ARHGAP36: variants seen among roughly 807,000 people sequenced by gnomAD.
ARHGAP36 encodes rho GTPase-activating protein 36.
A neutral mutation model predicts 32.9 loss-of-function variants in ARHGAP36; 7 were observed. That is an observed-to-expected ratio of 0.21 (90% CI 0.12 to 0.40). ARHGAP36 has a LOEUF of 0.40. Among genes scored for constraint, ARHGAP36 ranks in the 10% least tolerant of loss-of-function variants. The pLI is 1.00. For synonymous variants in ARHGAP36, 165 were observed against 168.3 expected, an observed-to-expected ratio of 0.98 and a Z score of 0.15; for missense variants, 383 against 442.2, an observed-to-expected ratio of 0.87 and a Z score of 1.20.
At position 131,086,592 on chromosome X, in the gene ARHGAP36, A is replaced by G; in HGVS notation, c.1413A>G (p.Leu471=). 2 of 1,211,973 alleles carry G rather than the reference A, an allele frequency of 1.7e-6. No individual in the cohort carries two copies. Among genetic ancestry groups the G allele is most frequent in the Middle Eastern group, 2.3e-4 (1 of 4,356 alleles). The part of the protein sequence containing the change: ...SARIKMEEDA[L]LSDPVETSAE... Reference sequence around the variant, plus strand: ...GCATAAAGATGGAAGAGGATGCACTACTTTCTGATCCAGTGGAAACCTCTG... The same window carrying G: ...GCATAAAGATGGAAGAGGATGCACTGCTTTCTGATCCAGTGGAAACCTCTG... The change falls in exon 11 of 12, where the codon CTA becomes CTG. Residue 471 remains leucine, a synonymous_variant. Coordinates refer to ENST00000276211, the MANE Select transcript of ARHGAP36 (RefSeq NM_144967.4).
chrX:131,066,983 C>T (rs1184130307), intron 1 of ARHGAP36, among the ~76,000 whole-genome samples: 1 of 111,448 alleles, frequency 9.0e-6, no homozygotes, highest in Non-Finnish European at 1.9e-5. Flanking sequence ...TCTCTACAGC[C>T]GTTCAGAGTT....
At chrX:131,086,255 G>A in intron 9 of ARHGAP36, 74 bp from the exon 10 acceptor site, 1 of 1,139,914 alleles carries the variant, frequency 8.8e-7, no homozygotes, top group Non-Finnish European at 1.2e-6. Flanking sequence ...TTTAGTCCTA[G>A]GTACCTGAAA....
At position 131,083,248 on chromosome X, in the gene ARHGAP36, T is replaced by C; in HGVS notation, c.319+18T>C. Reference sequence around the variant, plus strand: ...GCAGAGGGGTGAGGGGGCTCTTGTATTTTCTTTAGAAAAGAAATAGAATGC... The same window carrying C: ...GCAGAGGGGTGAGGGGGCTCTTGTACTTTCTTTAGAAAAGAAATAGAATGC... On this transcript the variant is annotated intron_variant, in intron 3 of 11. Transcript: ENST00000276211. 1.7e-6 allele frequency: 2 copies of C among 1,194,488 alleles called. No homozygotes were observed. The highest frequency in any genetic ancestry group is 2.3e-6 in the Non-Finnish European group (2 of 885,310).
chrX:131,081,325 A>G (rs1291441942), intron 1 of ARHGAP36, among the ~76,000 whole-genome samples, 199 bp from the exon 2 acceptor site: 2 of 110,832 alleles, frequency 1.8e-5, no homozygotes, highest in Non-Finnish European at 3.8e-5. Context: ...AAAACGCTCT[A>G]ATTAATTAAC....
At chrX:131,088,133 A>G (rs2079845269) in intron 11 of ARHGAP36, among the ~76,000 whole-genome samples, 1 of 112,565 alleles carries the variant, frequency 8.9e-6, no homozygotes, top group Non-Finnish European at 1.9e-5. Flanking sequence ...CCCTGTAGAT[A>G]CCACTCTCCT....
chrX:131,070,553 T>C (rs2079728463), intron 1 of ARHGAP36, among the ~76,000 whole-genome samples: 2 of 111,559 alleles, frequency 1.8e-5, no homozygotes, highest in African/African-American at 6.5e-5. Flanking sequence ...TGGGTTCCAA[T>C]CCTGACTCTG....
rs916130102 is a variant in ARHGAP36, at chrX:131,084,290, A to G, written c.631A>G (p.Ile211Val). 1.7e-6 allele frequency: 2 copies of G among 1,211,813 alleles called. No homozygotes were observed. Among genetic ancestry groups the G allele is most frequent in the Non-Finnish European group, 1.1e-6 (1 of 895,523 alleles). ...GCTGCAGACCCTGCAGCTTTCAAAA[A>G]TTTCCTTTCCAATTGGCCAACGACT... ...LLLQTLQLSK[I>V]SFPIGQRLLG... is the part of the protein sequence containing the mutation. Residue 211 changes from isoleucine to valine, a missense_variant, in exon 5 of 12, where the codon ATT becomes GTT. Ile to Val is a conservative substitution (Grantham distance 29). Transcript: ENST00000276211.
chrX:131,070,120 C>T (rs962547560), intron 1 of ARHGAP36, among the ~76,000 whole-genome samples: 1 of 112,332 alleles, frequency 8.9e-6, no homozygotes, highest in Non-Finnish European at 1.9e-5. Context: ...TTCCATTGGA[C>T]AAAGAGTTAT....
At chrX:131,081,287 G>C (rs778970987) in intron 1 of ARHGAP36, among the ~76,000 whole-genome samples, 1 of 106,882 alleles carries the variant, frequency 9.4e-6, no homozygotes, top group Non-Finnish European at 1.9e-5. Flanking sequence ...ATCGAGTATC[G>C]TCATGGAAAG....
At position 131,085,781 on chromosome X, in the gene ARHGAP36, A is replaced by G. The variant is rs563087780; in HGVS notation, c.1104+45A>G. 1,562 of 1,195,782 alleles carry G rather than the reference A, an allele frequency of 1.3e-3. 26 individuals carry two copies. The South Asian group carries it at 0.026, about 20-fold the overall frequency. On this transcript the variant is annotated intron_variant, in intron 8 of 11. Transcript: ENST00000276211. ...AGTAGTGAAAACTGTAGTAGGGGAC[A>G]TATGTGGGAGTATATCAGCAAGAGG...
chrX:131,072,576 G>T (rs2079738907), intron 1 of ARHGAP36, among the ~76,000 whole-genome samples: 1 of 111,842 alleles, frequency 8.9e-6, no homozygotes, highest in African/African-American at 3.3e-5. Flanking sequence ...TGTGTCCTTG[G>T]GTAAGTTTCT....
intron 1 of ARHGAP36, among the ~76,000 whole-genome samples, chrX:131,065,917 T>C (rs1480187038): frequency 8.9e-6 from 1 of 111,962 alleles, no homozygotes; most frequent in Non-Finnish European, 1.9e-5. Flanking sequence ...TGTTGAATTG[T>C]CCCTCTCTAT....
At chrX:131,086,143 G>A (rs888330943) in intron 9 of ARHGAP36, 54 bp downstream of exon 9, 37 of 1,179,711 alleles carry the variant, frequency 3.1e-5, no homozygotes, top group Non-Finnish European at 4.2e-5. Context: ...CTGTTCACAA[G>A]GCAAGGCACA....
At chrX:131,058,465 C>CG in intron 1 of ARHGAP36, 21 bp downstream of exon 1, 2 of 1,045,735 alleles carry the variant, frequency 1.9e-6, no homozygotes, top group Non-Finnish European at 2.5e-6. Flanking sequence ...CCCACCGAGT[C>CG]GGGGGGCTGG....
At chrX:131,086,290 C>T (rs2079835034) in intron 9 of ARHGAP36, 39 bp from the exon 10 acceptor site, 1 of 1,174,642 alleles carries the variant, frequency 8.5e-7, no homozygotes, top group Non-Finnish European at 1.2e-6. Context: ...TGAAAAGGTG[C>T]TGTGTAATGA....
intron 7 of ARHGAP36, 95 bp downstream of exon 7, chrX:131,085,159 AG>A (rs1315393452): frequency 6.6e-6 from 6 of 914,166 alleles, no homozygotes; most frequent in Non-Finnish European, 8.7e-6. Context: ...AGGACTTTGA[AG>A]AACTAAGGCA....
intron 1 of ARHGAP36, among the ~76,000 whole-genome samples, chrX:131,058,794 T>C (rs1381165596): frequency 8.8e-6 from 1 of 113,389 alleles, no homozygotes; most frequent in Non-Finnish European, 1.9e-5. Flanking sequence ...CAAGGATGAA[T>C]GTCCCTGACA....
At chrX:131,068,528 G>A (rs1411511082) in intron 1 of ARHGAP36, among the ~76,000 whole-genome samples, 1 of 111,414 alleles carries the variant, frequency 9.0e-6, no homozygotes, top group Non-Finnish European at 1.9e-5. Flanking sequence ...AGGTCTCCGC[G>A]GGGACCCTGA....
At chrX:131,082,033 C>A in intron 2 of ARHGAP36, 115 bp downstream of exon 2, 1 of 931,799 alleles carries the variant, frequency 1.1e-6, no homozygotes, top group Non-Finnish European at 1.5e-6. Context: ...TGATCTCGGA[C>A]TTGATCAGTT....
Sources: allele counts gnomAD v4.1 joint callset (sites outside exome capture counted in the v4.1 genomes callset), GRCh38; gene constraint gnomAD v4.1.1; transcripts MANE v1.5; gene names NCBI Gene and HGNC (gene_info 2026-07-23, HGNC 2026-07-21).